The following SUPT3H variants were observed in gnomAD, a reference collection of about 807,000 sequenced individuals.
SUPT3H encodes SPT3 homolog, SAGA and STAGA complex component, also known as transcription initiation protein SPT3 homolog.
Under a neutral mutation model 44.3 loss-of-function variants are expected in SUPT3H, and 44 were observed. The ratio of observed to expected loss-of-function variants is 0.99; its 90% confidence interval spans 0.78 to 1.28. The LOEUF (loss-of-function observed/expected upper bound fraction) is 1.28. SUPT3H is among the 50% of genes most tolerant of loss of function. The pLI, the probability that SUPT3H is intolerant of heterozygous loss-of-function variation, is 0.00. For synonymous variants in SUPT3H, 124 were observed against 125.6 expected (o/e 0.99, Z 0.09); for missense variants, 380 against 387.1 (o/e 0.98, Z 0.15).
chr6:45,281,238 G>C (rs1156643009), intron 2 of SUPT3H, among the ~76,000 whole-genome samples: 1 of 152,234 alleles, frequency 6.6e-6, no homozygotes, highest in Non-Finnish European at 1.5e-5. Context: ...CTGTCAGACA[G>C]TGGGGACAGG....
At chr6:45,031,875 G>A (rs895653666) in intron 3 of SUPT3H, among the ~76,000 whole-genome samples, 2 of 152,142 alleles carry the variant, frequency 1.3e-5, no homozygotes, top group Non-Finnish European at 2.9e-5. Flanking sequence ...AAGGAAGTAT[G>A]GGGTTGGGTT....
At chr6:45,292,395 CA>C (rs1347490073) in intron 2 of SUPT3H, among the ~76,000 whole-genome samples, 1 of 151,844 alleles carries the variant, frequency 6.6e-6, no homozygotes, top group African/African-American at 2.4e-5. Context: ...AAAACAAAAA[CA>C]AAAATACAAT....
chr6:44,956,447 G>GCA (rs1475712022), intron 7 of SUPT3H, among the ~76,000 whole-genome samples: 1 of 123,990 alleles, frequency 8.1e-6, no homozygotes, highest in East Asian at 2.6e-4. Context: ...TGGCGCCACT[G>GCA]CACAACAAGA....
intron 7 of SUPT3H, among the ~76,000 whole-genome samples, chr6:44,955,897 G>A (rs1000462150): frequency 1.3e-5 from 2 of 151,954 alleles, no homozygotes; most frequent in African/African-American, 2.4e-5. Flanking sequence ...GACGCGGGCC[G>A]ATCACGAGGT....
intron 3 of SUPT3H, among the ~76,000 whole-genome samples, chr6:45,083,253 G>T (rs1421266850): frequency 3.3e-5 from 5 of 151,590 alleles, no homozygotes; most frequent in African/African-American, 1.2e-4. Flanking sequence ...GTGCAGTGGC[G>T]TTATCTCGGC....
intron 2 of SUPT3H, among the ~76,000 whole-genome samples, chr6:45,236,959 C>G (rs1769283960): frequency 1.3e-5 from 2 of 152,244 alleles, no homozygotes; most frequent in South Asian, 4.1e-4. Context: ...AGTGCAAGTA[C>G]AAACAGGAGT....
intron 2 of SUPT3H, among the ~76,000 whole-genome samples, chr6:45,176,229 GAGCCGA>G (rs1219357100): frequency 6.6e-6 from 1 of 151,814 alleles, no homozygotes; most frequent in Non-Finnish European, 1.5e-5. Context: ...CACCGTGCGC[GAGCCGA>G]AGCAGGGCGA....
At chr6:45,148,713 C>G (rs2153594737) in intron 2 of SUPT3H, among the ~76,000 whole-genome samples, 1 of 152,232 alleles carries the variant, frequency 6.6e-6, no homozygotes, top group African/African-American at 2.4e-5. Flanking sequence ...GAATTCAGGT[C>G]TTTTTCAATA....
intron 2 of SUPT3H, among the ~76,000 whole-genome samples, chr6:45,173,090 T>A (rs953062701): frequency 6.6e-6 from 1 of 151,980 alleles, no homozygotes; most frequent in Admixed American, 6.6e-5. Context: ...ACACTAAACA[T>A]CCTGATCACA....
At chr6:45,185,978 T>G (rs919773847) in intron 2 of SUPT3H, among the ~76,000 whole-genome samples, 1 of 152,100 alleles carries the variant, frequency 6.6e-6, no homozygotes, top group Non-Finnish European at 1.5e-5. Flanking sequence ...CACTTTCCCC[T>G]CCTACTCCTG....
At chr6:45,062,604 G>C (rs1046947248) in intron 3 of SUPT3H, among the ~76,000 whole-genome samples, 4 of 152,166 alleles carry the variant, frequency 2.6e-5, no homozygotes, top group Non-Finnish European at 5.9e-5. Flanking sequence ...GTGGGTGCGC[G>C]CACCATGCGC....
chr6:45,134,218 G>T (rs1206873093), intron 2 of SUPT3H, among the ~76,000 whole-genome samples: 1 of 152,102 alleles, frequency 6.6e-6, no homozygotes. Flanking sequence ...ACAAGCGAGG[G>T]CCGAACTCAC....
chr6:45,076,192 T>C (rs532525899), intron 3 of SUPT3H, among the ~76,000 whole-genome samples: 32 of 152,288 alleles, frequency 2.1e-4, no homozygotes, highest in Middle Eastern at 3.4e-3. Flanking sequence ...CGTTAAATGT[T>C]CCTGCCAAAC....
chr6:45,207,513 G>A (rs1763384189), intron 2 of SUPT3H, among the ~76,000 whole-genome samples: 1 of 152,188 alleles, frequency 6.6e-6, no homozygotes, highest in South Asian at 2.1e-4. Flanking sequence ...TGATCTAGAT[G>A]TTGTGTTTGT....
At chr6:44,905,479 C>G (rs1331825655) in intron 10 of SUPT3H, among the ~76,000 whole-genome samples, 1 of 150,604 alleles carries the variant, frequency 6.6e-6, no homozygotes. Flanking sequence ...GATACCATCT[C>G]ACACCAGTTA....
intron 3 of SUPT3H, among the ~76,000 whole-genome samples, chr6:45,093,604 C>T (rs573441597): frequency 2.1e-4 from 32 of 152,192 alleles, no homozygotes; most frequent in Middle Eastern, 3.4e-3. Flanking sequence ...ACTTGGAAAA[C>T]ATCTGCCAAA....
intron 11 of SUPT3H, among the ~76,000 whole-genome samples, chr6:44,817,878 G>A (rs1342042037): frequency 6.6e-6 from 1 of 152,034 alleles, no homozygotes. Flanking sequence ...TTAATTAGAA[G>A]GCTTAATGTT....
At chr6:44,928,661 C>T (rs1295500684) in intron 10 of SUPT3H, among the ~76,000 whole-genome samples, 1 of 151,330 alleles carries the variant, frequency 6.6e-6, no homozygotes, top group South Asian at 2.1e-4. Context: ...TTTGGGAGGC[C>T]GAGGCGGGCG....
intron 7 of SUPT3H, among the ~76,000 whole-genome samples, chr6:44,960,419 CAAAA>C: frequency 1.1e-5 from 1 of 91,258 alleles, no homozygotes; most frequent in Admixed American, 1.2e-4. Flanking sequence ...GATTCCATCT[CAAAA>C]AAAAAAAAAA....
Sources: allele counts gnomAD v4.1 joint callset (sites outside exome capture counted in the v4.1 genomes callset), GRCh38; gene constraint gnomAD v4.1.1; transcripts MANE v1.5; gene names NCBI Gene and HGNC (gene_info 2026-07-23, HGNC 2026-07-21).